Variants in SGK2 observed in about 807,000 individuals in gnomAD.
The protein encoded by SGK2 is serum/glucocorticoid regulated kinase 2.
In SGK2, 36 loss-of-function variants were observed where a neutral mutation model predicts 47.5. The ratio of observed to expected loss-of-function variants is 0.76; its 90% CI spans 0.58 to 1.00. The LOEUF is 1.00. Ranked by LOEUF, SGK2 falls within the 50% of genes least tolerant of loss-of-function variation. The pLI is 0.00. For synonymous variants in SGK2, 157 were observed against 181.9 expected, an observed-to-expected ratio of 0.86 and a Z score of 1.10; for missense variants, 404 against 467.4, an observed-to-expected ratio of 0.86 and a Z score of 1.25.
Position 43,571,061 on chromosome 20 carries a change from GT to G in SGK2, c.510+3del. The G allele has an allele frequency of 5.7e-6, 9 of 1,575,394 alleles. No individual in the cohort carries two copies. Among genetic ancestry groups the G allele is most frequent in the Non-Finnish European group, 7.7e-6 (9 of 1,168,230 alleles). ...AGAGAACATTCTCTTGGACTGCCAGGTTGGTGTGTGTGTGTGTGTGTGTGTG... is the reference window on the plus strand; with the variant it reads ...AGAGAACATTCTCTTGGACTGCCAGGTGGTGTGTGTGTGTGTGTGTGTGTG... On this transcript the variant is annotated splice_donor_variant, in intron 8 of 12. Transcript: ENST00000373100. LOFTEE classifies it high-confidence loss of function.
In SGK2 at chr20:43,561,042, G is replaced by C. The variant is rs1330531545; in HGVS notation, c.-24+1883G>C. On this transcript the variant is annotated intron_variant, in intron 1 of 12. Transcript: ENST00000373100. ...GTGACTAACCATCCTGGTTGGCCCA[G>C]GACTATAGCGGTTTTAGCACTGAAA... Among the ~76,000 whole-genome samples the C allele has an allele frequency of 3.3e-5, 5 of 152,202 alleles. No individual in the cohort carries two copies. The East Asian group carries it at 9.6e-4, about 29-fold the overall frequency.
At chr20:43,561,874 G>A (rs1179522405) in intron 1 of SGK2, among the ~76,000 whole-genome samples, 2 of 152,310 alleles carry the variant, frequency 1.3e-5, no homozygotes, top group South Asian at 2.1e-4. Context: ...TGACAATGGG[G>A]GCTCAGGCAG....
chr20:43,575,788 G>A (rs1347487227), intron 10 of SGK2, among the ~76,000 whole-genome samples: 1 of 152,154 alleles, frequency 6.6e-6, no homozygotes, highest in Non-Finnish European at 1.5e-5. Context: ...AGAGGTGTGG[G>A]AGGAAGAATA....
intron 1 of SGK2, among the ~76,000 whole-genome samples, chr20:43,561,027 A>T (rs1173343284): frequency 6.6e-6 from 1 of 152,248 alleles, no homozygotes; most frequent in Non-Finnish European, 1.5e-5. Flanking sequence ...GTGACTAACC[A>T]TCCTGGTTGG....
chr20:43,568,176 G>T (rs941422544), intron 5 of SGK2, among the ~76,000 whole-genome samples, 177 bp downstream of exon 5: 2 of 152,142 alleles, frequency 1.3e-5, no homozygotes, highest in Non-Finnish European at 2.9e-5. Flanking sequence ...AAGAAAGCAG[G>T]CCAAGCCATC....
Position 43,567,157 on chromosome 20 carries a change from C to A in SGK2, c.86+40C>A, listed in dbSNP as rs763091277. On this transcript the variant is annotated intron_variant, in intron 3 of 12. Transcript: ENST00000373100. ...CTCAAGCACCTTTCCTACTTGACTC[C>A]CCTCATACCTGGCTCCCCTTGCCTT... 1.5e-5 allele frequency: 23 copies of A among 1,528,538 alleles called. No individual in the cohort carries two copies. The East Asian group carries it at 4.5e-4, about 30-fold the overall frequency. The allele number at this position is 1,528,538 out of a possible 1,614,324, so 94.7% of individuals were successfully genotyped here. A position where few individuals can be genotyped will look rare whatever the true frequency, so the allele number is the denominator to read the frequency against.
At chr20:43,578,417 G>A (rs550555684) in intron 11 of SGK2, among the ~76,000 whole-genome samples, 1 of 152,222 alleles carries the variant, frequency 6.6e-6, no homozygotes, top group African/African-American at 2.4e-5. Context: ...CCTGGGGGTG[G>A]GTGGAGGTTG....
rs1979648237 is a variant in SGK2, at chr20:43,565,527, A to G, written c.-23-946A>G. 2.6e-5 allele frequency among the ~76,000 whole-genome samples: 4 copies of G among 152,182 alleles called. No individual in the cohort carries two copies. The South Asian group carries it at 8.3e-4, about 31-fold the overall frequency. ...CCCTTCACTTTCTCTGTTCCCAAGAAGGCCATGAGGTTGGTGCCTCCAGGA... is the reference window on the plus strand; with the variant it reads ...CCCTTCACTTTCTCTGTTCCCAAGAGGGCCATGAGGTTGGTGCCTCCAGGA... On this transcript the variant is annotated intron_variant, in intron 1 of 12. Transcript: ENST00000373100.
At chr20:43,562,536 T>C (rs1171566077) in intron 1 of SGK2, among the ~76,000 whole-genome samples, 1 of 147,254 alleles carries the variant, frequency 6.8e-6, no homozygotes. Context: ...AGGTCAGGAG[T>C]TCGAGACCAG....
intron 1 of SGK2, among the ~76,000 whole-genome samples, chr20:43,562,536 T>A (rs1171566077): frequency 2.0e-5 from 3 of 147,192 alleles, no homozygotes; most frequent in Admixed American, 6.8e-5. Flanking sequence ...AGGTCAGGAG[T>A]TCGAGACCAG....
At chr20:43,574,465 C>G (rs1482559430) in intron 9 of SGK2, among the ~76,000 whole-genome samples, 3 of 152,220 alleles carry the variant, frequency 2.0e-5, no homozygotes, top group African/African-American at 7.2e-5. Context: ...CCTTCCGTTC[C>G]CAGGACACGG....
intron 11 of SGK2, among the ~76,000 whole-genome samples, chr20:43,579,698 C>A (rs189773826): frequency 3.2e-4 from 49 of 152,270 alleles, no homozygotes; most frequent in African/African-American, 1.1e-3. Flanking sequence ...CTGACACCCC[C>A]AAAGCCTAGC....
chr20:43,574,483 G>C (rs1192340184), intron 9 of SGK2, among the ~76,000 whole-genome samples: 1 of 152,234 alleles, frequency 6.6e-6, no homozygotes, highest in East Asian at 1.9e-4. Context: ...CGGATAGCCA[G>C]TTGAATGCCT....
chr20:43,566,160 C>A, intron 1 of SGK2: 1 of 588,488 alleles, frequency 1.7e-6, no homozygotes. Context: ...ACTTCTGGAG[C>A]TACCCTGGCT....
At chr20:43,568,115 T>C in intron 5 of SGK2, 116 bp downstream of exon 5, 1 of 783,096 alleles carries the variant, frequency 1.3e-6, no homozygotes, top group African/African-American at 1.7e-5. Flanking sequence ...GCAGAAGTGG[T>C]CACAACAAAG....
chr20:43,585,088 G>A lies in SGK2; in HGVS notation c.*72G>A. ...GAATTACCTTCAGCTGCTAGGAAGA[G>A]CGACTCAAACTAACAATGGCTTCAA... On this transcript the variant is annotated 3_prime_UTR_variant, in exon 13 of 13. Coordinates refer to ENST00000373100, the MANE Select transcript of SGK2 (RefSeq NM_170693.3). 7.0e-7 allele frequency: 1 copy of A among 1,423,860 alleles called. No homozygotes were observed. Among genetic ancestry groups the A allele is most frequent in the Non-Finnish European group, 9.6e-7 (1 of 1,040,880 alleles). 88.2% of individuals were successfully genotyped at this position (1,423,860 alleles called of 1,614,324 possible).
chr20:43,577,267 C>T lies in SGK2; in HGVS notation c.849+888C>T, dbSNP rs1980516650. 2.0e-5 allele frequency among the ~76,000 whole-genome samples: 3 copies of T among 151,688 alleles called. No homozygotes were observed. The South Asian group carries it at 6.3e-4, about 32-fold the overall frequency. On this transcript the variant is annotated intron_variant, in intron 11 of 12. Transcript: ENST00000373100. The stretch of plus-strand genomic sequence containing the variant: ...GTGGCCAGTTTTAGGGTGTTTTGAG[C>T]AGAGGTCTGGCATGACCTGATTTAA...
At position 43,559,155 on chromosome 20, in the gene SGK2, T is replaced by C. The variant is rs1979249149; in HGVS notation, c.-28T>C. ...AGGACCTGAGCAGGAACCTGGAGTT[T>C]TCAGGTGAGAGGCTCACCTGTGAGC... On this transcript the variant is annotated 5_prime_UTR_variant, in exon 1 of 13. Transcript: ENST00000373100. 1 of 152,310 alleles carries C rather than the reference T, an allele frequency of 6.6e-6. No individual in the cohort carries two copies. The highest frequency in any genetic ancestry group is 2.1e-4 in the South Asian group (1 of 4,830). 9.4% of individuals were successfully genotyped at this position (152,310 alleles called of 1,614,324 possible).
In SGK2 at chr20:43,584,983, T is replaced by C. The variant is rs769868997; in HGVS notation, c.1071T>C (p.Tyr357=). Residue 357 remains tyrosine (Y), a synonymous_variant, in exon 13 of 13, where the codon TAT becomes TAC. Coordinates refer to ENST00000373100, the MANE Select transcript of SGK2 (RefSeq NM_170693.3). ...CAAGTGCATTCCTGGGATTTTCTTA[T>C]GCGCCAGAGGATGATGACATCTTGG... is the stretch of plus-strand genomic sequence containing the variant. ...GASSAFLGFS[Y]APEDDDILDC 5.0e-6 allele frequency: 8 copies of C among 1,614,024 alleles called. No homozygotes were observed. Among genetic ancestry groups the C allele is most frequent in the Admixed American group, 1.7e-5 (1 of 59,994 alleles).
Sources: gnomAD v4.1 joint callset for allele counts (sites outside exome capture counted in the v4.1 genomes callset) on GRCh38, gnomAD v4.1.1 for gene constraint, MANE v1.5 for transcripts, NCBI Gene and HGNC (gene_info 2026-07-23, HGNC 2026-07-21) for gene names.